ZNF385D: variants seen among roughly 807,000 people sequenced by gnomAD.
ZNF385D encodes the protein zinc finger protein 659.
In ZNF385D, 15 loss-of-function variants were observed where a neutral mutation model predicts 35.8. The ratio of observed to expected loss-of-function variants is 0.42; its 90% CI spans 0.28 to 0.64. The LOEUF (loss-of-function observed/expected upper bound fraction) is 0.64. Ranked by LOEUF, ZNF385D falls within the 30% of genes least tolerant of loss-of-function variation. ZNF385D has a pLI of 0.23. For synonymous variants in ZNF385D, 212 were observed against 186.8 expected, an observed-to-expected ratio of 1.13 and a Z score of -1.10; for missense variants, 474 against 494.6, an observed-to-expected ratio of 0.96 and a Z score of 0.39.
intron 3 of ZNF385D, among the ~76,000 whole-genome samples, chr3:22,056,471 A>G (rs1262981785): frequency 6.6e-6 from 1 of 152,162 alleles, no homozygotes; most frequent in African/African-American, 2.4e-5. Flanking sequence ...AAGATACCCA[A>G]GATAAAACTG....
chr3:21,420,967 A>G lies in ZNF385D; in HGVS notation c.*247T>C. ...AAGGTCTAGATACCACTACAAATCA[A>G]TGCTGGAGATCACTTCTAAAACAAT... On this transcript the variant is annotated 3_prime_UTR_variant, in exon 8 of 8. Coordinates refer to ENST00000281523, the MANE Select transcript of ZNF385D (RefSeq NM_024697.3). 1 of 484,832 alleles carries G rather than the reference A, an allele frequency of 2.1e-6. No individual in the cohort carries two copies. The highest frequency in any genetic ancestry group is 3.7e-6 in the Non-Finnish European group (1 of 268,578). 30.0% of individuals were successfully genotyped at this position (484,832 alleles called of 1,614,324 possible).
rs117137016 is a variant in ZNF385D, at chr3:22,272,682, G to C, written c.106+99768C>G. 9.7e-4 allele frequency among the ~76,000 whole-genome samples: 148 copies of C among 152,096 alleles called. 1 individual carries two copies. The East Asian group carries it at 0.013, about 14-fold the overall frequency. On this transcript the variant is annotated intron_variant, in intron 2 of 5. Coordinates refer to the ZNF385D transcript ENST00000494108. ...AAAAATTCCTCTTAGGATATTGTCA[G>C]AAAATTTATTGCATTAAGGATTTGG...
chr3:21,934,747 T>G (rs548771242), intron 3 of ZNF385D, among the ~76,000 whole-genome samples: 2 of 152,342 alleles, frequency 1.3e-5, no homozygotes, highest in African/African-American at 2.4e-5. Context: ...AAGCAATTTC[T>G]GCCTTGAGGA....
In ZNF385D at chr3:21,584,369, A is replaced by C. The variant is rs184412871; in HGVS notation, c.166-19685T>G. On this transcript the variant is annotated intron_variant, in intron 2 of 7. Coordinates refer to ENST00000281523, the MANE Select transcript of ZNF385D (RefSeq NM_024697.3). Reference sequence around the variant, plus strand: ...TTGTTCCAGACTTTGTCTGTGAGTGACTTTAAAATTTGAAAGCTAATAAAC... The same window carrying C: ...TTGTTCCAGACTTTGTCTGTGAGTGCCTTTAAAATTTGAAAGCTAATAAAC... Among the ~76,000 whole-genome samples the C allele has an allele frequency of 1.6e-3, 250 of 152,322 alleles. 1 individual carries two copies. Among genetic ancestry groups the C allele is most frequent in the African/African-American group, 5.7e-3 (237 of 41,578 alleles).
chr3:22,108,563 G>C (rs937084375), intron 3 of ZNF385D, among the ~76,000 whole-genome samples: 5 of 152,076 alleles, frequency 3.3e-5, no homozygotes, highest in African/African-American at 1.2e-4. Context: ...TTTTACATCT[G>C]GATAAATCAG....
chr3:22,350,072 A>G (rs1695847148), intron 2 of ZNF385D, among the ~76,000 whole-genome samples: 1 of 152,130 alleles, frequency 6.6e-6, no homozygotes, highest in African/African-American at 2.4e-5. Context: ...AACTTTCTAA[A>G]GTTTTCTTCT....
chr3:21,452,759 T>C (rs1702537734), intron 4 of ZNF385D, among the ~76,000 whole-genome samples: 1 of 151,980 alleles, frequency 6.6e-6, no homozygotes, highest in African/African-American at 2.4e-5. Flanking sequence ...GAATACTTAA[T>C]ACTGTTAAGA....
At chr3:21,904,352 C>A (rs1461508470) in intron 3 of ZNF385D, among the ~76,000 whole-genome samples, 2 of 148,628 alleles carry the variant, frequency 1.3e-5, no homozygotes, top group Non-Finnish European at 3.0e-5. Flanking sequence ...ATTCAATATG[C>A]ATTTTAACTA....
chr3:22,255,261 T>C (rs1203938256), intron 2 of ZNF385D, among the ~76,000 whole-genome samples: 1 of 122,504 alleles, frequency 8.2e-6, no homozygotes, highest in Non-Finnish European at 1.6e-5. Context: ...CTGATTTTGT[T>C]ATCATGTATT....
chr3:22,082,888 C>A (rs756887921), intron 3 of ZNF385D, among the ~76,000 whole-genome samples: 10 of 152,224 alleles, frequency 6.6e-5, no homozygotes, highest in Non-Finnish European at 1.0e-4. Flanking sequence ...TGCTGTTCTA[C>A]AATATTTGCT....
intron 1 of ZNF385D, among the ~76,000 whole-genome samples, chr3:21,703,176 G>A (rs1241554129): frequency 5.9e-5 from 9 of 152,162 alleles, no homozygotes; most frequent in Admixed American, 2.0e-4. Context: ...CATGGCTGGG[G>A]AGGCCTCAGA....
chr3:21,753,695 A>G (rs1167320621), upstream of ZNF385D, among the ~76,000 whole-genome samples: 2 of 152,174 alleles, frequency 1.3e-5, no homozygotes, highest in East Asian at 1.9e-4. Flanking sequence ...TTTTAATTGT[A>G]TACTTTTTCC....
intron 2 of ZNF385D, among the ~76,000 whole-genome samples, chr3:21,642,580 A>G (rs1393529560): frequency 6.6e-6 from 1 of 152,128 alleles, no homozygotes; most frequent in East Asian, 1.9e-4. Flanking sequence ...ACTAATTAAG[A>G]GAAAGCAGAG....
chr3:21,734,357 TTTTTG>T (rs1430104242), intron 1 of ZNF385D, among the ~76,000 whole-genome samples: 8 of 130,056 alleles, frequency 6.2e-5, no homozygotes, highest in South Asian at 2.3e-4. Context: ...GTAAAGATTT[TTTTTG>T]TTTTTCTTTT....
chr3:22,000,277 C>G (rs1023391330), intron 3 of ZNF385D, among the ~76,000 whole-genome samples: 28 of 148,920 alleles, frequency 1.9e-4, no homozygotes, highest in Admixed American at 1.6e-3. Flanking sequence ...GGCACTCCAG[C>G]CTGGGTGACA....
intron 2 of ZNF385D, among the ~76,000 whole-genome samples, chr3:22,302,353 C>A (rs1230631769): frequency 2.0e-5 from 3 of 151,430 alleles, no homozygotes; most frequent in African/African-American, 7.3e-5. Flanking sequence ...TTTTAATATG[C>A]TTTTCTATCA....
chr3:22,313,469 AAT>A (rs1703701301), intron 2 of ZNF385D, among the ~76,000 whole-genome samples: 2 of 152,182 alleles, frequency 1.3e-5, no homozygotes, highest in Non-Finnish European at 2.9e-5. Flanking sequence ...AGAAAAATTA[AAT>A]TATGAATAAA....
At chr3:22,000,974 A>G (rs916118901) in intron 3 of ZNF385D, among the ~76,000 whole-genome samples, 7 of 152,106 alleles carry the variant, frequency 4.6e-5, no homozygotes, top group African/African-American at 1.7e-4. Flanking sequence ...ATAAAATAAA[A>G]TTCATTTGTA....
intron 3 of ZNF385D, among the ~76,000 whole-genome samples, chr3:21,522,320 C>A (rs531478615): frequency 5.3e-4 from 81 of 152,032 alleles, no homozygotes; most frequent in African/African-American, 1.9e-3. Context: ...GGTGGACCCA[C>A]AGAAAGCATT....
Sources: gnomAD v4.1 joint callset for allele counts (sites outside exome capture counted in the v4.1 genomes callset) on GRCh38, gnomAD v4.1.1 for gene constraint, MANE v1.5 for transcripts, NCBI Gene and HGNC (gene_info 2026-07-23, HGNC 2026-07-21) for gene names.